The following KIAA1217 variants were observed in gnomAD, a reference collection of about 807,000 sequenced individuals.
KIAA1217 encodes sickle tail protein homolog.
In KIAA1217, 88 loss-of-function variants were observed where a neutral mutation model predicts 163.9. The ratio of observed to expected loss-of-function variants is 0.54; its 90% CI spans 0.45 to 0.64. KIAA1217 has a LOEUF of 0.64. Among genes scored for constraint, KIAA1217 ranks in the 30% least tolerant of loss-of-function variants. KIAA1217 has a pLI of 0.00. For missense variants in KIAA1217, 2,372 were observed against 2,475.0 expected, an observed-to-expected ratio of 0.96 and a Z score of 0.88; for synonymous variants, 903 against 923.1, an observed-to-expected ratio of 0.98 and a Z score of 0.39.
chr10:24,354,336 G>A (rs373556792), intron 2 of KIAA1217, among the ~76,000 whole-genome samples: 1 of 152,318 alleles, frequency 6.6e-6, no homozygotes, highest in African/African-American at 2.4e-5. Flanking sequence ...CCTTACAGGA[G>A]GGGGAGCATG....
chr10:24,058,067 C>T (rs1486732818), intron 2 of KIAA1217, among the ~76,000 whole-genome samples: 1 of 152,132 alleles, frequency 6.6e-6, no homozygotes, highest in African/African-American at 2.4e-5. Context: ...TTTGAGTTGA[C>T]ATTTTTGTAC....
At chr10:24,018,077 C>T (rs1005037140) in intron 2 of KIAA1217, among the ~76,000 whole-genome samples, 1 of 152,018 alleles carries the variant, frequency 6.6e-6, no homozygotes, top group Non-Finnish European at 1.5e-5. Flanking sequence ...CTTCTTTCTG[C>T]TTTACAGAAG....
At chr10:23,852,368 A>T (rs367641069) in intron 1 of KIAA1217, among the ~76,000 whole-genome samples, 1 of 152,060 alleles carries the variant, frequency 6.6e-6, no homozygotes, top group Non-Finnish European at 1.5e-5. Context: ...TGTTCCATTG[A>T]TCTATATCTC....
chr10:23,959,609 C>A (rs1010444055), intron 1 of KIAA1217, among the ~76,000 whole-genome samples: 2 of 152,058 alleles, frequency 1.3e-5, no homozygotes, highest in Admixed American at 6.6e-5. Context: ...GACATAGGAG[C>A]CTTCCAAAAT....
rs1554908827 is a variant in KIAA1217, at chr10:24,501,087, TA to T, written c.1835-282del. ...TTAAGAAAAGAAAAAAAAATTAAAA[TA>T]AAAAAAAAATAAACAAAATTGATCA... On this transcript the variant is annotated intron_variant, in intron 8 of 20. Coordinates refer to ENST00000376454, the MANE Select transcript of KIAA1217 (RefSeq NM_019590.5). Among the ~76,000 whole-genome samples the T allele has an allele frequency of 5.3e-3, 365 of 68,474 alleles. 4 individuals carry two copies. The highest frequency in any genetic ancestry group is 0.039 in the East Asian group (139 of 3,520). The allele number at this position is 68,474 out of a possible 152,430, so 44.9% of individuals were successfully genotyped here.
At chr10:24,012,076 G>A (rs996247901) in intron 2 of KIAA1217, among the ~76,000 whole-genome samples, 2 of 152,108 alleles carry the variant, frequency 1.3e-5, no homozygotes, top group Admixed American at 1.3e-4. Flanking sequence ...AAACACTTTG[G>A]AAGCTTATTT....
intron 2 of KIAA1217, among the ~76,000 whole-genome samples, chr10:24,026,742 A>ATTTTTTTTTTTTTTTTTTTTTTTCTT: frequency 1.4e-5 from 1 of 70,094 alleles, no homozygotes; most frequent in African/African-American, 5.9e-5. Context: ...TATTTCATTG[A>ATTTTTTTTTTTTTTTTTTTTTTTCTT]TTTTTTTTTT....
intron 2 of KIAA1217, among the ~76,000 whole-genome samples, chr10:24,148,097 G>T (rs1487738837): frequency 1.3e-5 from 2 of 152,066 alleles, no homozygotes; most frequent in East Asian, 3.9e-4. Context: ...AAAATAAGTT[G>T]CCTTTGAATA....
chr10:24,267,869 C>T (rs2076386236), intron 2 of KIAA1217, among the ~76,000 whole-genome samples: 1 of 152,166 alleles, frequency 6.6e-6, no homozygotes, highest in Admixed American at 6.6e-5. Context: ...AAGAGTACTC[C>T]ATAGATGGAC....
chr10:24,173,036 G>A (rs1338090051), intron 2 of KIAA1217, among the ~76,000 whole-genome samples: 1 of 152,208 alleles, frequency 6.6e-6, no homozygotes, highest in Non-Finnish European at 1.5e-5. Context: ...GAACCAGGCT[G>A]CACAGCAGGG....
chr10:24,087,556 A>G (rs2061741516), intron 2 of KIAA1217, among the ~76,000 whole-genome samples: 1 of 152,202 alleles, frequency 6.6e-6, no homozygotes, highest in Non-Finnish European at 1.5e-5. Flanking sequence ...AACATAATAA[A>G]TGCTTGAGTT....
rs1026549433 is a variant in KIAA1217, at chr10:24,545,875, C to G, written c.5383C>G (p.Pro1795Ala). 6.2e-7 allele frequency: 1 copy of G among 1,612,366 alleles called. No homozygotes were observed. Among genetic ancestry groups the G allele is most frequent in the African/African-American group, 1.3e-5 (1 of 74,870 alleles). ...TGGTGGGGACTTTAAGCCTACTTCC[C>G]CCTCCTTACCTGCTTCTAAGATTCC... ...KSGGDFKPTS[P>A]SLPASKIPAL... The change falls in exon 21 of 21, where the codon CCC becomes GCC. Residue 1795 changes from proline to alanine, a missense_variant. Physicochemically the swap from Pro to Ala is conservative, Grantham distance 27 (BLOSUM62 -1). This residue lies in a region of KIAA1217 where 690 missense variants were observed against 677.5 expected (regional missense o/e 1.02). Coordinates refer to ENST00000376454, the MANE Select transcript of KIAA1217 (RefSeq NM_019590.5).
intron 2 of KIAA1217, among the ~76,000 whole-genome samples, chr10:24,110,364 G>A (rs1248924259): frequency 6.6e-6 from 1 of 152,050 alleles, no homozygotes; most frequent in Non-Finnish European, 1.5e-5. Context: ...AAAAAATGCA[G>A]ATTCATTTTT....
At chr10:23,766,724 G>A (rs1230818685) in intron 1 of KIAA1217, among the ~76,000 whole-genome samples, 3 of 151,882 alleles carry the variant, frequency 2.0e-5, no homozygotes, top group African/African-American at 7.3e-5. Context: ...GAGTAGCTGG[G>A]ATTACAGGTG....
intron 3 of KIAA1217, among the ~76,000 whole-genome samples, chr10:24,383,346 T>C (rs1220717986): frequency 6.6e-6 from 1 of 152,204 alleles, no homozygotes; most frequent in Non-Finnish European, 1.5e-5. Flanking sequence ...ATAATGGATC[T>C]TTTGTCTTAA....
chr10:24,309,572 C>T (rs1235157977), intron 2 of KIAA1217, among the ~76,000 whole-genome samples: 5 of 152,144 alleles, frequency 3.3e-5, no homozygotes, highest in South Asian at 2.1e-4. Flanking sequence ...CAGAACCCAC[C>T]GAACACAGTT....
chr10:24,414,904 G>C (rs957917259), intron 3 of KIAA1217, among the ~76,000 whole-genome samples: 11 of 144,308 alleles, frequency 7.6e-5, no homozygotes. Context: ...TGCCTCTTTA[G>C]AAGGTATCAG....
chr10:24,213,333 C>T (rs1370634633), intron 1 of KIAA1217, among the ~76,000 whole-genome samples: 1 of 152,132 alleles, frequency 6.6e-6, no homozygotes, highest in Non-Finnish European at 1.5e-5. Context: ...GACGTGTGTG[C>T]TTTTGCTCTG....
At chr10:24,442,957 C>G (rs1489617307) in intron 5 of KIAA1217, among the ~76,000 whole-genome samples, 1 of 147,410 alleles carries the variant, frequency 6.8e-6, no homozygotes, top group Admixed American at 6.9e-5. Flanking sequence ...GCCATCCAGG[C>G]TGGAGTGCAG....
Sources: allele counts gnomAD v4.1 joint callset (sites outside exome capture counted in the v4.1 genomes callset), GRCh38; gene constraint gnomAD v4.1.1; regional missense constraint gnomAD v4.1.1; transcripts MANE v1.5; gene names NCBI Gene and HGNC (gene_info 2026-07-23, HGNC 2026-07-21).